DNAH11: variants seen among roughly 807,000 people sequenced by gnomAD.
DNAH11 encodes dynein axonemal heavy chain 11.
Under a neutral mutation model 526.0 loss-of-function variants are expected in DNAH11, and 442 were observed. The ratio of observed to expected loss-of-function variants is 0.84; its 90% CI spans 0.78 to 0.91. The LOEUF is 0.91. DNAH11 is among the 40% of genes least tolerant of loss of function. The pLI is 0.00. For synonymous variants in DNAH11, 2,461 were observed against 1,935.9 expected (o/e 1.27, Z -7.12); for missense variants, 6,989 against 5,448.7 (o/e 1.28, Z -8.90).
chr7:21,740,632 C>T (rs943752785), intron 48 of DNAH11, among the ~76,000 whole-genome samples: 1 of 152,184 alleles, frequency 6.6e-6, no homozygotes, highest in Non-Finnish European at 1.5e-5. Flanking sequence ...CGTTGATGGA[C>T]ACTTGGGTTG....
intron 2 of DNAH11, among the ~76,000 whole-genome samples, chr7:21,547,676 A>C (rs1782855600): frequency 2.0e-5 from 3 of 152,022 alleles, no homozygotes. Context: ...CTTTATCATG[A>C]CTTTCTACAT....
chr7:21,750,427 A>C lies in DNAH11; in HGVS notation c.8940+63A>C, dbSNP rs938428669. 1.2e-5 allele frequency: 19 copies of C among 1,528,702 alleles called. No individual in the cohort carries two copies. The Admixed American group carries it at 4.4e-4, about 35-fold the overall frequency. 94.7% of individuals were successfully genotyped at this position (1,528,702 alleles called of 1,614,324 possible). ...CCTGCTATTGCAACTCTCTGGTTCT[A>C]TTCTGAGTTTTTTATTATGAGTTTG... is the stretch of plus-strand genomic sequence containing the variant. On this transcript the variant is annotated intron_variant, in intron 54 of 81. Transcript: ENST00000409508.
At chr7:21,900,774 A>T in intron 81 of DNAH11, 2 of 432,938 alleles carry the variant, frequency 4.6e-6, no homozygotes, top group East Asian at 4.0e-5. Flanking sequence ...AAATCAGCTT[A>T]CTTCCACAGG....
intron 32 of DNAH11, 33 bp from the exon 33 acceptor site, chr7:21,687,066 G>A: frequency 1.3e-6 from 2 of 1,585,804 alleles, no homozygotes; most frequent in South Asian, 2.4e-5. Context: ...TCTCATATTA[G>A]ACTGTGATGT....
chr7:21,705,381 G>T, intron 38 of DNAH11, 79 bp from the exon 39 acceptor site: 5 of 1,483,182 alleles, frequency 3.4e-6, no homozygotes, highest in Non-Finnish European at 4.7e-6. Context: ...AAGGAAAGAA[G>T]AATTGGGCAA....
chr7:21,672,591 G>T (rs1264124785), intron 30 of DNAH11, among the ~76,000 whole-genome samples: 1 of 152,190 alleles, frequency 6.6e-6, no homozygotes, highest in Non-Finnish European at 1.5e-5. Context: ...CTGACCTCCA[G>T]ATCTCAACTT....
At chr7:21,619,550 C>T (rs1785941465) in intron 24 of DNAH11, among the ~76,000 whole-genome samples, 1 of 152,144 alleles carries the variant, frequency 6.6e-6, no homozygotes, top group African/African-American at 2.4e-5. Flanking sequence ...CTATTTTACA[C>T]ATGGGGAAAC....
chr7:21,702,065 A>G (rs1784086042), intron 36 of DNAH11, among the ~76,000 whole-genome samples: 1 of 152,152 alleles, frequency 6.6e-6, no homozygotes, highest in African/African-American at 2.4e-5. Flanking sequence ...CAGAAGAAAA[A>G]ATGTAATTGG....
At chr7:21,728,307 G>T (rs910756493) in intron 45 of DNAH11, among the ~76,000 whole-genome samples, 1 of 127,146 alleles carries the variant, frequency 7.9e-6, no homozygotes, top group African/African-American at 3.1e-5. Flanking sequence ...GCCCAGGCTG[G>T]AGTGCAGTGG....
Position 21,657,476 on chromosome 7 carries a change from T to C in DNAH11, c.5095-1322T>C, listed in dbSNP as rs1271148934. On this transcript the variant is annotated intron_variant, in intron 29 of 81. Coordinates refer to ENST00000409508, the MANE Select transcript of DNAH11 (RefSeq NM_001277115.2). The stretch of plus-strand genomic sequence containing the variant: ...AGCATACTGAGTTAGGTTGCCATTG[T>C]TGGCACAGTCATCTGTACGTGAGCT... Among the ~76,000 whole-genome samples, 7 of 152,188 alleles carry C rather than the reference T, an allele frequency of 4.6e-5. No individual in the cohort carries two copies. In the East Asian group the frequency reaches 1.3e-3, roughly 29 times the overall value.
intron 57 of DNAH11, among the ~76,000 whole-genome samples, chr7:21,783,743 G>A (rs940277558): frequency 4.6e-5 from 7 of 150,790 alleles, no homozygotes; most frequent in African/African-American, 1.7e-4. Context: ...AGCACCCTCT[G>A]TGTCTTGGGA....
Position 21,558,970 on chromosome 7 carries a change from G to A in DNAH11, c.664G>A (p.Asp222Asn), listed in dbSNP as rs1423204089. Reference sequence around the variant, plus strand: ...AATTCCCACTGTTGCAGGAAAGATGGATCTGGATCAGAATTGTTCAGAGAA... The same window carrying A: ...AATTCCCACTGTTGCAGGAAAGATGAATCTGGATCAGAATTGTTCAGAGAA... The part of the protein sequence containing the change: ...LPIPTVAGKM[D>N]LDQNCSENKP... The change falls in exon 3 of 82, where the codon GAT becomes AAT. Residue 222 changes from aspartate (D) to asparagine (N), a missense_variant. Physicochemically the swap from Asp to Asn is conservative, Grantham distance 23 (BLOSUM62 1). Transcript: ENST00000409508. The A allele has an allele frequency of 1.8e-5, 29 of 1,587,266 alleles. No homozygotes were observed. The highest frequency in any genetic ancestry group is 2.5e-5 in the Non-Finnish European group (29 of 1,165,594).
At chr7:21,586,197 G>A (rs944490148) in intron 9 of DNAH11, among the ~76,000 whole-genome samples, 2 of 152,186 alleles carry the variant, frequency 1.3e-5, no homozygotes, top group African/African-American at 4.8e-5. Context: ...AAGATGTGAT[G>A]TAGCTAGGAA....
In DNAH11 at chr7:21,883,948, C is replaced by T. The variant is rs145997803; in HGVS notation, c.12388-343C>T. ...GTCCTAGTTACTTGGGAGGCTGAGG[C>T]GAGAGGATTGCTGGAGCCCCAGAAT... On this transcript the variant is annotated intron_variant, in intron 75 of 81. Coordinates refer to ENST00000409508, the MANE Select transcript of DNAH11 (RefSeq NM_001277115.2). Among the ~76,000 whole-genome samples the T allele has an allele frequency of 4.4e-3, 665 of 152,124 alleles. 1 individual carries two copies. Among genetic ancestry groups the T allele is most frequent in the African/African-American group, 0.013 (552 of 41,500 alleles).
At chr7:21,895,060 C>G in intron 79 of DNAH11, 61 bp downstream of exon 79, 1 of 1,325,182 alleles carries the variant, frequency 7.5e-7, no homozygotes, top group Non-Finnish European at 1.1e-6. Flanking sequence ...GGTTAGTGTT[C>G]TGAATAATGC....
intron 48 of DNAH11, among the ~76,000 whole-genome samples, chr7:21,741,600 A>T (rs1446210310): frequency 6.6e-6 from 1 of 152,142 alleles, no homozygotes; most frequent in Non-Finnish European, 1.5e-5. Context: ...AGTTAATTTG[A>T]TGTGGCTTTG....
rs930148452 is a variant in DNAH11 at position 21,762,434 on chromosome 7, G to T, written c.8941-2994G>T. 3.3e-5 allele frequency among the ~76,000 whole-genome samples: 5 copies of T among 152,288 alleles called. No individual in the cohort carries two copies. The South Asian group carries it at 6.2e-4, about 19-fold the overall frequency. ...TCCTCTGCCTTTGCTAACATTATGT[G>T]TAAATGACATTTCTAAAATTGGCAC... On this transcript the variant is annotated intron_variant, in intron 54 of 81. Coordinates refer to ENST00000409508, the MANE Select transcript of DNAH11 (RefSeq NM_001277115.2).
intron 69 of DNAH11, 105 bp downstream of exon 69, chr7:21,862,128 T>TC (rs1783087428): frequency 6.5e-6 from 8 of 1,238,346 alleles, no homozygotes; most frequent in Non-Finnish European, 8.6e-6. Flanking sequence ...TAGACTTTTT[T>TC]TTTTTTTTGG....
intron 73 of DNAH11, among the ~76,000 whole-genome samples, chr7:21,870,219 G>C (rs559770183): frequency 1.3e-5 from 2 of 152,260 alleles, no homozygotes; most frequent in South Asian, 4.2e-4. Flanking sequence ...TGACATTCCT[G>C]AAAATAGCCA....
Sources: gnomAD v4.1 joint callset for allele counts (sites outside exome capture counted in the v4.1 genomes callset) on GRCh38, gnomAD v4.1.1 for gene constraint, MANE v1.5 for transcripts, NCBI Gene and HGNC (gene_info 2026-07-23, HGNC 2026-07-21) for gene names.